Variants in FAM222A observed in about 807,000 individuals in gnomAD.
FAM222A encodes family with sequence similarity 222 member A.
In FAM222A, 7 loss-of-function variants were observed where a neutral mutation model predicts 25.8. The ratio of observed to expected loss-of-function variants is 0.27; its 90% CI spans 0.15 to 0.51. The LOEUF is 0.51. FAM222A is among the 20% of genes least tolerant of loss of function. The probability of loss-of-function intolerance (pLI) is 0.97; values close to 1 mark genes in which losing one functional copy is unlikely to be tolerated. For synonymous variants in FAM222A, 294 were observed against 298.8 expected (o/e 0.98, Z 0.17); for missense variants, 573 against 640.5 (o/e 0.89, Z 1.14).
intron 1 of FAM222A, among the ~76,000 whole-genome samples, chr12:109,739,888 G>C (rs949174988): frequency 4.6e-5 from 7 of 152,334 alleles, no homozygotes; most frequent in Admixed American, 3.9e-4. Flanking sequence ...AGGCCACGAG[G>C]AGGAGGCGCA....
intron 1 of FAM222A, among the ~76,000 whole-genome samples, chr12:109,717,536 T>G (rs994905270): frequency 6.6e-6 from 1 of 152,140 alleles, no homozygotes; most frequent in Non-Finnish European, 1.5e-5. Context: ...AGAAGACTGT[T>G]CTGGGTGGCC....
chr12:109,724,390 C>T (rs541990069), intron 1 of FAM222A, among the ~76,000 whole-genome samples: 1 of 152,384 alleles, frequency 6.6e-6, no homozygotes, highest in African/African-American at 2.4e-5. Context: ...CCCCTTCCTA[C>T]CCAAGAAATG....
At chr12:109,761,836 C>T (rs1273348900) in intron 2 of FAM222A, among the ~76,000 whole-genome samples, 1 of 152,112 alleles carries the variant, frequency 6.6e-6, no homozygotes, top group Non-Finnish European at 1.5e-5. Context: ...CAGATCTCTC[C>T]TCTCGGCTCA....
At chr12:109,762,336 C>T (rs1377571277) in intron 2 of FAM222A, among the ~76,000 whole-genome samples, 1 of 152,186 alleles carries the variant, frequency 6.6e-6, no homozygotes, top group Non-Finnish European at 1.5e-5. Context: ...CATGTTAGGC[C>T]TCAGCTTCGT....
At chr12:109,718,899 T>C (rs2136315374) in intron 1 of FAM222A, among the ~76,000 whole-genome samples, 1 of 152,306 alleles carries the variant, frequency 6.6e-6, no homozygotes, top group East Asian at 1.9e-4. Flanking sequence ...AGGGATGGAT[T>C]CCTTCCACCT....
Position 109,768,897 on chromosome 12 carries a change from G to C in FAM222A, c.968G>C (p.Arg323Pro), listed in dbSNP as rs376914566. The change falls in exon 3 of 3, where the codon CGG becomes CCG. Residue 323 changes from arginine to proline, a missense_variant. By Grantham distance (103) the Arg-to-Pro change is moderately radical. This residue lies in a region of FAM222A where 412 missense variants were observed against 407.0 expected (regional missense o/e 1.01). Coordinates refer to ENST00000538780, the MANE Select transcript of FAM222A (RefSeq NM_032829.3). The stretch of plus-strand genomic sequence containing the variant: ...GCTTGCGGGGGCCGGGCATACGAGC[G>C]GGCCAGCGGGTCACCCCTCAACTGT... Reference protein sequence around the residue: ...PEACGGRAYERASGSPLNCGV... With the variant: ...PEACGGRAYEPASGSPLNCGV... 29 of 1,581,428 alleles carry C rather than the reference G, an allele frequency of 1.8e-5. No individual in the cohort carries two copies. The highest frequency in any genetic ancestry group is 2.5e-5 in the Non-Finnish European group (29 of 1,171,474).
chr12:109,742,905 A>T (rs1888283750), intron 1 of FAM222A, among the ~76,000 whole-genome samples: 2 of 152,182 alleles, frequency 1.3e-5, no homozygotes, highest in African/African-American at 2.4e-5. Flanking sequence ...TGAATACTTC[A>T]TTATTAGAAG....
rs1471066476 is a variant in FAM222A at position 109,768,477 on chromosome 12, C to G, written c.548C>G (p.Pro183Arg). The change falls in exon 3 of 3, where the codon CCC becomes CGC. Residue 183 changes from proline (P) to arginine (R), a missense_variant. Pro to Arg is a moderately radical substitution (Grantham distance 103, BLOSUM62 -2). Transcript: ENST00000538780. Reference protein sequence around the residue: ...PAAATAASVIPLPGRGLPLPP... With the variant: ...PAAATAASVIRLPGRGLPLPP... ...GCCGCCACTGCCGCCTCCGTCATCC[C>G]CCTGCCGGGCCGGGGCCTGCCCCTG... 1.2e-5 allele frequency: 20 copies of G among 1,603,722 alleles called. No individual in the cohort carries two copies. The highest frequency in any genetic ancestry group is 1.7e-5 in the Non-Finnish European group (20 of 1,178,926).
chr12:109,751,974 T>G (rs1402298985), intron 2 of FAM222A, among the ~76,000 whole-genome samples: 1 of 152,198 alleles, frequency 6.6e-6, no homozygotes, highest in African/African-American at 2.4e-5. Context: ...CTGATGGACA[T>G]TTAGGTTGTT....
chr12:109,730,938 C>T (rs1438757101), intron 1 of FAM222A, among the ~76,000 whole-genome samples: 1 of 152,086 alleles, frequency 6.6e-6, no homozygotes, highest in Admixed American at 6.6e-5. Flanking sequence ...GAGAGCTGGG[C>T]GGGCAGTTCA....
chr12:109,751,599 T>A (rs1380275385), intron 2 of FAM222A, among the ~76,000 whole-genome samples: 1 of 152,216 alleles, frequency 6.6e-6, no homozygotes, highest in Non-Finnish European at 1.5e-5. Flanking sequence ...GAGTTTCCTA[T>A]GTGTGCTTAT....
In FAM222A at chr12:109,744,138, A is replaced by G; in HGVS notation, c.-9A>G. ...AGAGCGCACCCCACTGGGGACCCCC[A>G]GCTCAGCCATGCTGGCCTGTCTGCA... is the stretch of plus-strand genomic sequence containing the variant. On this transcript the variant is annotated 5_prime_UTR_variant, in exon 2 of 3. Transcript: ENST00000538780. The G allele has an allele frequency of 8.1e-6, 13 of 1,612,320 alleles. No individual in the cohort carries two copies. The highest frequency in any genetic ancestry group is 1.1e-5 in the Non-Finnish European group (13 of 1,179,732).
chr12:109,716,793 C>T (rs1032627548), intron 1 of FAM222A, among the ~76,000 whole-genome samples: 4 of 152,264 alleles, frequency 2.6e-5, no homozygotes, highest in Admixed American at 1.3e-4. Flanking sequence ...TCCCTCATCT[C>T]CCTGGGCTTG....
chr12:109,731,922 T>C (rs922689647), intron 1 of FAM222A, among the ~76,000 whole-genome samples: 1 of 152,234 alleles, frequency 6.6e-6, no homozygotes, highest in Non-Finnish European at 1.5e-5. Flanking sequence ...ATCTACTGTA[T>C]GTCTGGCCTT....
Position 109,732,947 on chromosome 12 carries a change from C to T in FAM222A, c.-46-11154C>T, listed in dbSNP as rs531897119. Among the ~76,000 whole-genome samples the T allele has an allele frequency of 3.9e-5, 6 of 152,350 alleles. No individual in the cohort carries two copies. The South Asian group carries it at 1.0e-3, about 26-fold the overall frequency. ...TGGAAGAGACAGACACTAAACCATT[C>T]ATCAAGATAATTTCAGAGCAGTAAT... On this transcript the variant is annotated intron_variant, in intron 1 of 2. Coordinates refer to ENST00000538780, the MANE Select transcript of FAM222A (RefSeq NM_032829.3).
chr12:109,721,732 C>T (rs960957462), intron 1 of FAM222A, among the ~76,000 whole-genome samples: 7 of 152,278 alleles, frequency 4.6e-5, no homozygotes, highest in Admixed American at 4.6e-4. Flanking sequence ...GTCTGTTACC[C>T]TCTTCTAACT....
At chr12:109,742,544 G>A (rs1016771660) in intron 1 of FAM222A, among the ~76,000 whole-genome samples, 6 of 151,710 alleles carry the variant, frequency 4.0e-5, no homozygotes, top group Non-Finnish European at 5.9e-5. Flanking sequence ...TAAGGCTGGC[G>A]ATTGGGGAGG....
chr12:109,741,007 A>AG (rs1888225904), intron 1 of FAM222A, among the ~76,000 whole-genome samples: 1 of 152,178 alleles, frequency 6.6e-6, no homozygotes, highest in Non-Finnish European at 1.5e-5. Flanking sequence ...AAGGAGGGCC[A>AG]GGGGGAGCCA....
intron 1 of FAM222A, among the ~76,000 whole-genome samples, chr12:109,738,779 G>A (rs898467335): frequency 6.6e-6 from 1 of 152,182 alleles, no homozygotes; most frequent in African/African-American, 2.4e-5. Flanking sequence ...GCTGGATTAA[G>A]TTTGGAAACC....
Sources: gnomAD v4.1 joint callset for allele counts (sites outside exome capture counted in the v4.1 genomes callset) on GRCh38, gnomAD v4.1.1 for gene constraint, gnomAD v4.1.1 regional missense constraint, MANE v1.5 for transcripts, NCBI Gene and HGNC (gene_info 2026-07-23, HGNC 2026-07-21) for gene names.